NCEH1: variants seen among roughly 807,000 people sequenced by gnomAD.
NCEH1 encodes the protein 2-acetyl MAGE hydrolase.
A neutral mutation model predicts 25.4 loss-of-function variants in NCEH1; 9 were observed. That is an observed-to-expected ratio of 0.35 (90% CI 0.21 to 0.62). The LOEUF (loss-of-function observed/expected upper bound fraction) is 0.62. NCEH1 is among the 20% of genes least tolerant of loss of function. The pLI, the probability that NCEH1 is intolerant of heterozygous loss-of-function variation, is 0.72. For missense variants in NCEH1, 412 were observed against 501.1 expected (o/e 0.82, Z 1.70); for synonymous variants, 200 against 199.8 (o/e 1.00, Z -0.01).
At chr3:172,673,726 G>T (rs561459794) in intron 1 of NCEH1, among the ~76,000 whole-genome samples, 40 of 152,332 alleles carry the variant, frequency 2.6e-4, no homozygotes, top group South Asian at 2.1e-4. Flanking sequence ...CAAAGGCAAG[G>T]AAGCCTCAAG....
intron 1 of NCEH1, among the ~76,000 whole-genome samples, chr3:172,696,442 G>T (rs1448685413): frequency 6.6e-6 from 1 of 152,176 alleles, no homozygotes; most frequent in Admixed American, 6.5e-5. Context: ...TATATTTCTC[G>T]TGTGCCAGGT....
chr3:172,638,275 C>CAAAAAAAAAAAAAA (rs1560178436), intron 3 of NCEH1, among the ~76,000 whole-genome samples: 1 of 81,900 alleles, frequency 1.2e-5, no homozygotes, highest in African/African-American at 4.1e-5. Context: ...GAGACTCTGT[C>CAAAAAAAAAAAAAA]CAAAAAAAAA....
chr3:172,709,265 A>G (rs1262601228), intron 1 of NCEH1, among the ~76,000 whole-genome samples: 3 of 152,310 alleles, frequency 2.0e-5, no homozygotes, highest in African/African-American at 7.2e-5. Flanking sequence ...ACTAAGAATA[A>G]TCTCTGCAGC....
In NCEH1 at chr3:172,710,980, C is replaced by T; in HGVS notation, c.5G>A (p.Arg2Lys). M[R>K]SSCVLLTALV... is the part of the protein sequence containing the mutation. ...GGCGGTGAGCAGGACACAGGACGACCTCATCTTGCCCTGGCTCGGCTCGCC... is the reference window on the plus strand; with the variant it reads ...GGCGGTGAGCAGGACACAGGACGACTTCATCTTGCCCTGGCTCGGCTCGCC... Residue 2 changes from arginine (R) to lysine (K), a missense_variant, in exon 1 of 5, where the codon AGG becomes AAG. Coordinates refer to ENST00000475381, the MANE Select transcript of NCEH1 (RefSeq NM_020792.6). 1 of 1,614,106 alleles carries T rather than the reference C, an allele frequency of 6.2e-7. No homozygotes were observed. Among genetic ancestry groups the T allele is most frequent in the South Asian group, 1.1e-5 (1 of 91,086 alleles).
At chr3:172,698,593 C>A (rs1264592971) in intron 1 of NCEH1, among the ~76,000 whole-genome samples, 1 of 152,172 alleles carries the variant, frequency 6.6e-6, no homozygotes, top group African/African-American at 2.4e-5. Context: ...TATCAACTAT[C>A]CTATTCAAGG....
In NCEH1 at chr3:172,632,472, C is replaced by A. The variant is rs191040957; in HGVS notation, c.*1003G>T. 9 of 152,510 alleles carry A rather than the reference C, an allele frequency of 5.9e-5. No homozygotes were observed. Among genetic ancestry groups the A allele is most frequent in the Admixed American group, 5.2e-4 (8 of 15,264 alleles). 9.4% of individuals were successfully genotyped at this position (152,510 alleles called of 1,614,324 possible). On this transcript the variant is annotated 3_prime_UTR_variant, in exon 5 of 5. Transcript: ENST00000475381. Reference sequence around the variant, plus strand: ...ACATTATATTGTAGCAAAATAGCTCCATTTTAAAGCCATATAAGTGAAAAA... The same window carrying A: ...ACATTATATTGTAGCAAAATAGCTCAATTTTAAAGCCATATAAGTGAAAAA...
At chr3:172,665,543 C>T (rs956364899) in intron 1 of NCEH1, among the ~76,000 whole-genome samples, 15 of 152,224 alleles carry the variant, frequency 9.9e-5, no homozygotes, top group Admixed American at 9.8e-4. Context: ...TTTAAGTCTG[C>T]AGAAGTTTCT....
chr3:172,647,842 G>C, intron 2 of NCEH1, 44 bp downstream of exon 2: 1 of 1,610,330 alleles, frequency 6.2e-7, no homozygotes, highest in African/African-American at 1.3e-5. Context: ...TCTCCCCCAA[G>C]GCCAACCACA....
intron 1 of NCEH1, among the ~76,000 whole-genome samples, chr3:172,694,028 G>C (rs1357679718): frequency 2.0e-5 from 3 of 152,136 alleles, no homozygotes; most frequent in African/African-American, 7.2e-5. Flanking sequence ...TGAGTAGCTA[G>C]GACTATAGGC....
chr3:172,642,275 G>A (rs1348697982), intron 3 of NCEH1, among the ~76,000 whole-genome samples: 1 of 152,042 alleles, frequency 6.6e-6, no homozygotes, highest in Non-Finnish European at 1.5e-5. Context: ...CTATGCTCAA[G>A]CAGTCTTTCC....
chr3:172,665,954 C>T (rs1718188240), intron 1 of NCEH1, among the ~76,000 whole-genome samples: 1 of 152,126 alleles, frequency 6.6e-6, no homozygotes. Context: ...GAGGCGATGC[C>T]CCACCCTGCT....
chr3:172,682,503 T>A (rs1164132177), intron 1 of NCEH1, among the ~76,000 whole-genome samples: 1 of 152,166 alleles, frequency 6.6e-6, no homozygotes, highest in Non-Finnish European at 1.5e-5. Flanking sequence ...TTCATAGGTA[T>A]CTATTAAATG....
Position 172,697,803 on chromosome 3 carries a change from G to T in NCEH1, c.138+13044C>A, listed in dbSNP as rs140515686. On this transcript the variant is annotated intron_variant, in intron 1 of 4. Transcript: ENST00000475381. ...CACTAAGCAGGCCCATGTCTGTGAA[G>T]AAGTTACTTAACTTTGTTGAGCCTC... 4.6e-3 allele frequency among the ~76,000 whole-genome samples: 706 copies of T among 152,224 alleles called. 9 individuals are homozygous for T. Among genetic ancestry groups the T allele is most frequent in the African/African-American group, 0.016 (682 of 41,540 alleles).
At chr3:172,667,078 C>T (rs988314853) in intron 1 of NCEH1, among the ~76,000 whole-genome samples, 2 of 152,204 alleles carry the variant, frequency 1.3e-5, no homozygotes, top group Non-Finnish European at 2.9e-5. Flanking sequence ...CTGCAATCTC[C>T]TTTCACACCA....
chr3:172,684,977 C>T (rs2108523835), intron 1 of NCEH1, among the ~76,000 whole-genome samples: 1 of 151,592 alleles, frequency 6.6e-6, no homozygotes, highest in South Asian at 2.1e-4. Flanking sequence ...AAGACTCCAT[C>T]CCCCACTCCC....
intron 1 of NCEH1, among the ~76,000 whole-genome samples, chr3:172,663,570 C>T (rs1718065343): frequency 6.6e-6 from 1 of 152,194 alleles, no homozygotes; most frequent in African/African-American, 2.4e-5. Flanking sequence ...GTGTTAAAGT[C>T]TCCCAATATT....
intron 1 of NCEH1, among the ~76,000 whole-genome samples, chr3:172,693,501 G>A (rs1475349440): frequency 6.6e-6 from 1 of 151,620 alleles, no homozygotes; most frequent in Non-Finnish European, 1.5e-5. Context: ...AGTTGGGGAT[G>A]AGATAAAGAT....
At chr3:172,672,036 C>T (rs1052458387) in intron 1 of NCEH1, among the ~76,000 whole-genome samples, 24 of 152,306 alleles carry the variant, frequency 1.6e-4, no homozygotes, top group Admixed American at 1.4e-3. Flanking sequence ...CTGATTCACC[C>T]AGAGCAAATT....
chr3:172,684,344 T>G lies in NCEH1; in HGVS notation c.138+26503A>C, dbSNP rs927972313. 3.3e-5 allele frequency among the ~76,000 whole-genome samples: 5 copies of G among 152,320 alleles called. No homozygotes were observed. The East Asian group carries it at 5.8e-4, about 18-fold the overall frequency. ...TACTAAGACATGCATTAGTATGTCTTAGAGTTAAGAGATTACTAAAACTGA... is the reference window on the plus strand; with the variant it reads ...TACTAAGACATGCATTAGTATGTCTGAGAGTTAAGAGATTACTAAAACTGA... On this transcript the variant is annotated intron_variant, in intron 1 of 4. Coordinates refer to ENST00000475381, the MANE Select transcript of NCEH1 (RefSeq NM_020792.6).
Sources: gnomAD v4.1 joint callset for allele counts (sites outside exome capture counted in the v4.1 genomes callset) on GRCh38, gnomAD v4.1.1 for gene constraint, MANE v1.5 for transcripts, NCBI Gene and HGNC (gene_info 2026-07-23, HGNC 2026-07-21) for gene names.